The following FERMT1 variants were observed in gnomAD, a reference collection of about 807,000 sequenced individuals.
FERMT1 encodes fermitin family homolog 1.
In FERMT1, 60 loss-of-function variants were observed where a neutral mutation model predicts 85.3. The observed-to-expected ratio is 0.70, with a 90% CI of 0.57 to 0.87. The LOEUF is 0.87. Ranked by LOEUF, FERMT1 falls within the 40% of genes least tolerant of loss-of-function variation. The pLI is 0.00. For missense variants in FERMT1, 701 were observed against 818.9 expected (o/e 0.86, Z 1.76); for synonymous variants, 275 against 301.1 (o/e 0.91, Z 0.90).
At chr20:6,101,819 AT>A (rs1334735423) in intron 6 of FERMT1, among the ~76,000 whole-genome samples, 1 of 151,316 alleles carries the variant, frequency 6.6e-6, no homozygotes, top group Admixed American at 6.6e-5. Flanking sequence ...TGCTCCGCTA[AT>A]TTTTTTTGTA....
At position 6,076,241 on chromosome 20, in the gene FERMT1, GTCTGCCCTTC is replaced by G. The variant is rs1229930020; in HGVS notation, c.*922_*931del. On this transcript the variant is annotated 3_prime_UTR_variant, in exon 15 of 15. Coordinates refer to ENST00000217289, the MANE Select transcript of FERMT1 (RefSeq NM_017671.5). Reference sequence around the variant, plus strand: ...TGGACATGGTGGTCTTTGAGAATGGGTCTGCCCTTCTCTCCCTGACCAGTTGGGATAGACA... The same window carrying G: ...TGGACATGGTGGTCTTTGAGAATGGGTCTCCCTGACCAGTTGGGATAGACA... 15 of 340,414 alleles carry G rather than the reference GTCTGCCCTTC, an allele frequency of 4.4e-5. No homozygotes were observed. The highest frequency in any genetic ancestry group is 7.5e-5 in the Non-Finnish European group (13 of 172,448). The allele number at this position is 340,414 out of a possible 1,614,324, so 21.1% of individuals were successfully genotyped here.
Position 6,104,130 on chromosome 20 carries a change from C to A in FERMT1, c.849+3402G>T, listed in dbSNP as rs1454006490. Among the ~76,000 whole-genome samples, 1 of 152,160 alleles carries A rather than the reference C, an allele frequency of 6.6e-6. No individual in the cohort carries two copies. Among genetic ancestry groups the A allele is most frequent in the African/African-American group, 2.4e-5 (1 of 41,444 alleles). On this transcript the variant is annotated intron_variant, in intron 6 of 14. Coordinates refer to ENST00000217289, the MANE Select transcript of FERMT1 (RefSeq NM_017671.5). This position sits in a 1 kb window ranked among gnomAD's most constrained non-coding sequence, Gnocchi z 4.2. ...AGGCGATCCACCCGCCTCAGCCTCC[C>A]AAAGTACTGTGATTACAGGCATGAG...
At chr20:6,088,438 C>T (rs184703463) in intron 10 of FERMT1, among the ~76,000 whole-genome samples, 2 of 152,236 alleles carry the variant, frequency 1.3e-5, no homozygotes, top group East Asian at 1.9e-4. Context: ...TCTGGACACA[C>T]TGAGAAAGAT....
chr20:6,102,442 T>G (rs947617080), intron 6 of FERMT1, among the ~76,000 whole-genome samples: 1 of 151,890 alleles, frequency 6.6e-6, no homozygotes, highest in African/African-American at 2.4e-5. Flanking sequence ...TTTGGGAGGC[T>G]GAGGCAGGAG....
At position 6,097,411 on chromosome 20, in the gene FERMT1, T is replaced by G. The variant is rs935144574; in HGVS notation, c.957+113A>C. On this transcript the variant is annotated intron_variant, in intron 7 of 14. Coordinates refer to ENST00000217289, the MANE Select transcript of FERMT1 (RefSeq NM_017671.5). The stretch of plus-strand genomic sequence containing the variant: ...TACAGAAAACAATTGCTCTCCTTAT[T>G]TTCAGATATTTCTTCAAAGAACAAA... The G allele has an allele frequency of 1.1e-5, 9 of 794,876 alleles. No homozygotes were observed. The African/African-American group carries it at 1.6e-4, about 14-fold the overall frequency. 49.2% of individuals were successfully genotyped at this position (794,876 alleles called of 1,614,324 possible). A position where few individuals can be genotyped will look rare whatever the true frequency, so the allele number is the denominator to read the frequency against.
At chr20:6,101,580 C>T (rs1034405571) in intron 6 of FERMT1, among the ~76,000 whole-genome samples, 4 of 152,158 alleles carry the variant, frequency 2.6e-5, no homozygotes, top group Non-Finnish European at 4.4e-5. Context: ...CTGTGGCTGC[C>T]TCTTAGGAGA....
At chr20:6,108,141 C>CA (rs1178842182) in intron 5 of FERMT1, among the ~76,000 whole-genome samples, 1 of 152,248 alleles carries the variant, frequency 6.6e-6, no homozygotes, top group Admixed American at 6.5e-5. Flanking sequence ...GCTGGGATTA[C>CA]AGGCGTGGGC....
At chr20:6,119,318 A>T (rs985493470) in intron 2 of FERMT1, 86 bp downstream of exon 2, 30 of 1,309,448 alleles carry the variant, frequency 2.3e-5, no homozygotes, top group Non-Finnish European at 3.3e-5. Flanking sequence ...AAGATAAATG[A>T]TCAGAAAAAC....
At position 6,081,205 on chromosome 20, in the gene FERMT1, G is replaced by A. The variant is rs140393884; in HGVS notation, c.1719-1628C>T. On this transcript the variant is annotated intron_variant, in intron 13 of 14. Coordinates refer to ENST00000217289, the MANE Select transcript of FERMT1 (RefSeq NM_017671.5). ...GTGAGAGGATCACATGAGCCCAGGA[G>A]TTTGAGGTTATAGTGAGCCATGATT... Among the ~76,000 whole-genome samples the A allele has an allele frequency of 4.9e-3, 741 of 151,672 alleles. 17 individuals carry two copies. The East Asian group carries it at 0.066, about 14-fold the overall frequency.
intron 14 of FERMT1, among the ~76,000 whole-genome samples, chr20:6,078,836 CCTGAA>C (rs1401673306): frequency 6.6e-6 from 1 of 152,088 alleles, no homozygotes; most frequent in Non-Finnish European, 1.5e-5. Context: ...ACAGGCTTGG[CCTGAA>C]CTTAGCTCCT....
At chr20:6,090,117 C>T (rs1982310889) in intron 9 of FERMT1, among the ~76,000 whole-genome samples, 1 of 152,080 alleles carries the variant, frequency 6.6e-6, no homozygotes, top group Non-Finnish European at 1.5e-5. Context: ...GCTCTGTTGC[C>T]AGGCTAGAGT....
chr20:6,092,529 C>A (rs140362095), intron 9 of FERMT1, among the ~76,000 whole-genome samples: 1 of 151,134 alleles, frequency 6.6e-6, no homozygotes, highest in African/African-American at 2.4e-5. Flanking sequence ...GGTGACAGAA[C>A]GAGACTTTGT....
At chr20:6,078,228 T>G (rs1029934004) in intron 14 of FERMT1, among the ~76,000 whole-genome samples, 4 of 152,116 alleles carry the variant, frequency 2.6e-5, no homozygotes, top group African/African-American at 9.7e-5. Flanking sequence ...GTTTTAAAGC[T>G]CCCCAGGTGA....
intron 3 of FERMT1, among the ~76,000 whole-genome samples, chr20:6,115,269 G>A (rs973313944): frequency 6.6e-6 from 1 of 152,144 alleles, no homozygotes; most frequent in Non-Finnish European, 1.5e-5. Flanking sequence ...TTGTCTTTAC[G>A]ACTGTTAAAT....
In FERMT1 at chr20:6,085,139, C is replaced by A. The variant is rs1298574057; in HGVS notation, c.1520G>T (p.Ser507Ile). The change falls in exon 12 of 15, where the codon AGT (serine) becomes ATT (isoleucine). Residue 507 changes from serine to isoleucine, a missense_variant. Coordinates refer to ENST00000217289, the MANE Select transcript of FERMT1 (RefSeq NM_017671.5). Reference protein sequence around the residue: ...NRNSASQVASSLENMDMNPEC... With the variant: ...NRNSASQVASILENMDMNPEC... ...TGGGTTCATATCCATGTTTTCGAGA[C>A]TGGAAGCCACCTGAGATGCAGAGTT... 1.2e-6 allele frequency: 2 copies of A among 1,614,216 alleles called. No individual in the cohort carries two copies. Among genetic ancestry groups the A allele is most frequent in the Non-Finnish European group, 1.7e-6 (2 of 1,180,040 alleles).
At chr20:6,078,850 C>T (rs534713836) in intron 14 of FERMT1, among the ~76,000 whole-genome samples, 2 of 152,216 alleles carry the variant, frequency 1.3e-5, no homozygotes, top group South Asian at 2.1e-4. Flanking sequence ...AACTTAGCTC[C>T]TAGGATGGGA....
At chr20:6,086,002 C>A (rs548691759) in intron 11 of FERMT1, among the ~76,000 whole-genome samples, 28 of 151,956 alleles carry the variant, frequency 1.8e-4, no homozygotes, top group African/African-American at 5.6e-4. Flanking sequence ...ATTAGCCAGG[C>A]GTGGTGGCAG....
At position 6,097,508 on chromosome 20, in the gene FERMT1, A is replaced by G; in HGVS notation, c.957+16T>C. On this transcript the variant is annotated intron_variant, in intron 7 of 14. Transcript: ENST00000217289. ...GTTTGTCTCCTTCCAGAGAAAAGGT[A>G]CTGAAGTTCCCATACCTGTAGAGCT... 1.3e-6 allele frequency: 2 copies of G among 1,566,454 alleles called. No homozygotes were observed. The highest frequency in any genetic ancestry group is 1.8e-6 in the Non-Finnish European group (2 of 1,136,410).
At position 6,112,642 on chromosome 20, in the gene FERMT1, T is replaced by A. The variant is rs753065668; in HGVS notation, c.386-19A>T. On this transcript the variant is annotated intron_variant, in intron 3 of 14. Transcript: ENST00000217289. ...CTAATATCTAGAAATAAATATTTTT[T>A]AAAAATGAAGAAAAAGTAAAAAGAA... 6.1e-6 allele frequency: 9 copies of A among 1,482,534 alleles called. No individual in the cohort carries two copies. The highest frequency in any genetic ancestry group is 7.3e-6 in the Non-Finnish European group (8 of 1,100,540). 91.8% of individuals were successfully genotyped at this position (1,482,534 alleles called of 1,614,324 possible). A position where few individuals can be genotyped will look rare whatever the true frequency, so the allele number is the denominator to read the frequency against.
Sources: allele counts gnomAD v4.1 joint callset (sites outside exome capture counted in the v4.1 genomes callset), GRCh38; gene constraint gnomAD v4.1.1; non-coding constraint Gnocchi (gnomAD v3.1); transcripts MANE v1.5; gene names NCBI Gene and HGNC (gene_info 2026-07-23, HGNC 2026-07-21).